ARHGAP6: variants seen among roughly 807,000 people sequenced by gnomAD.
ARHGAP6 encodes the protein Rho GTPase activating protein 6.
ARHGAP6 carries 16 observed loss-of-function variants against 55.7 expected under a neutral mutation model. The ratio of observed to expected loss-of-function variants is 0.29; its 90% CI spans 0.19 to 0.44. ARHGAP6 has a LOEUF of 0.44. Among genes scored for constraint, ARHGAP6 ranks in the 20% least tolerant of loss-of-function variants. The pLI is 1.00. For missense variants in ARHGAP6, 698 were observed against 808.9 expected (o/e 0.86, Z 1.66); for synonymous variants, 382 against 360.9 (o/e 1.06, Z -0.66).
intron 1 of ARHGAP6, among the ~76,000 whole-genome samples, chrX:11,472,828 T>G (rs1371029238): frequency 9.0e-6 from 1 of 110,877 alleles, no homozygotes; most frequent in Non-Finnish European, 1.9e-5. Flanking sequence ...GGACAACAAG[T>G]TCCCCTTCTC....
chrX:11,509,003 G>C (rs754758134), intron 1 of ARHGAP6, among the ~76,000 whole-genome samples: 46 of 111,030 alleles, frequency 4.1e-4, no homozygotes, highest in African/African-American at 1.2e-3. Flanking sequence ...CTTGATATTG[G>C]AATCATTAAG....
intron 1 of ARHGAP6, among the ~76,000 whole-genome samples, chrX:11,278,513 C>A (rs897020948): frequency 7.2e-5 from 8 of 111,772 alleles, no homozygotes. Context: ...TCCAGTGCAA[C>A]CTGTGTCAGA....
At chrX:11,627,319 T>C (rs1021548399) in intron 1 of ARHGAP6, among the ~76,000 whole-genome samples, 1 of 111,264 alleles carries the variant, frequency 9.0e-6, no homozygotes, top group Admixed American at 9.5e-5. Context: ...ATAGAACTTA[T>C]GTAAATGAAG....
At chrX:11,654,241 C>T (rs750854106) in intron 1 of ARHGAP6, among the ~76,000 whole-genome samples, 1 of 111,547 alleles carries the variant, frequency 9.0e-6, no homozygotes, top group East Asian at 2.8e-4. Context: ...TTTTTCAAAC[C>T]CCTGAGAGAT....
At chrX:11,180,391 C>T (rs756458843) in intron 6 of ARHGAP6, among the ~76,000 whole-genome samples, 36 of 110,706 alleles carry the variant, frequency 3.3e-4, no homozygotes, top group African/African-American at 1.0e-3. Flanking sequence ...AAGATTACTA[C>T]GCATTTCCTG....
rs1414475120 is a variant in ARHGAP6 at position 11,664,815 on chromosome X, C to T, written c.14G>A (p.Ser5Asn). The T allele has an allele frequency of 9.2e-6, 11 of 1,192,823 alleles. No homozygotes were observed. Among genetic ancestry groups the T allele is most frequent in the Non-Finnish European group, 1.0e-5 (9 of 887,477 alleles). MSAQ[S>N]LLHSVFSCSS... ...ACAGGAGAAGACGCTGTGGAGCAGG[C>T]TCTGCGCGGACATCTCGGCGGGGCT... Residue 5 changes from serine to asparagine, a missense_variant, in exon 1 of 13, where the codon AGC (serine) becomes AAC (asparagine). Physicochemically the swap from Ser to Asn is conservative, Grantham distance 46. Coordinates refer to ENST00000337414, the MANE Select transcript of ARHGAP6 (RefSeq NM_013427.3).
intron 1 of ARHGAP6, among the ~76,000 whole-genome samples, chrX:11,420,551 G>A (rs1376846220): frequency 3.6e-5 from 4 of 111,156 alleles, no homozygotes; most frequent in South Asian, 3.9e-4. Context: ...AATTCAATGG[G>A]AGAACAGGTA....
chrX:11,481,932 A>G (rs1324331603), intron 1 of ARHGAP6, among the ~76,000 whole-genome samples: 1 of 112,422 alleles, frequency 8.9e-6, no homozygotes, highest in African/African-American at 3.2e-5. Context: ...TAAGAATAAG[A>G]GTCACACTAA....
At chrX:11,572,352 C>T (rs2051532621) in intron 1 of ARHGAP6, among the ~76,000 whole-genome samples, 1 of 109,271 alleles carries the variant, frequency 9.2e-6, no homozygotes, top group Non-Finnish European at 1.9e-5. Context: ...TCCCACCCCA[C>T]AACAGTCATC....
intron 2 of ARHGAP6, among the ~76,000 whole-genome samples, chrX:11,208,628 T>C (rs1024974939): frequency 7.1e-5 from 8 of 112,105 alleles, no homozygotes; most frequent in African/African-American, 2.6e-4. Context: ...AATAATGTCT[T>C]TGTTTACCTG....
At chrX:11,607,726 T>G (rs1316170797) in intron 1 of ARHGAP6, among the ~76,000 whole-genome samples, 1 of 112,498 alleles carries the variant, frequency 8.9e-6, no homozygotes, top group African/African-American at 3.2e-5. Flanking sequence ...ATGCCATGTA[T>G]AAAAGTATAG....
intron 2 of ARHGAP6, among the ~76,000 whole-genome samples, chrX:11,224,691 G>T (rs766506877): frequency 9.0e-6 from 1 of 110,531 alleles, no homozygotes; most frequent in South Asian, 3.9e-4. Context: ...ACTGGCTGTG[G>T]AATTTCAGCT....
At position 11,494,874 on chromosome X, in the gene ARHGAP6, A is replaced by C. The variant is rs1008783135; in HGVS notation, c.588+169367T>G. On this transcript the variant is annotated intron_variant, in intron 1 of 12. Coordinates refer to ENST00000337414, the MANE Select transcript of ARHGAP6 (RefSeq NM_013427.3). ...TTTTCATGATTACCTTTGCATATCT[A>C]AATAAATGACTCTAGATGGTTGGAA... is the stretch of plus-strand genomic sequence containing the variant. Among the ~76,000 whole-genome samples, 5 of 112,249 alleles carry C rather than the reference A, an allele frequency of 4.5e-5. No individual in the cohort carries two copies. In the Admixed American group the frequency reaches 4.7e-4, roughly 11 times the overall value.
chrX:11,485,036 A>G (rs1309977333), intron 1 of ARHGAP6, among the ~76,000 whole-genome samples: 1 of 108,759 alleles, frequency 9.2e-6, no homozygotes, highest in Non-Finnish European at 1.9e-5. Context: ...AACAACAACA[A>G]CAAAAAAAAA....
rs766008272 is a variant in ARHGAP6 at position 11,243,808 on chromosome X, T to C, written c.748+10740A>G. 3.6e-5 allele frequency among the ~76,000 whole-genome samples: 4 copies of C among 112,393 alleles called. No homozygotes were observed. The South Asian group carries it at 1.5e-3, about 41-fold the overall frequency. On this transcript the variant is annotated intron_variant, in intron 2 of 12. Transcript: ENST00000337414. ...TATGCCTTTTCTATGTTTAGATACA[T>C]AGATACCTACCATTGCATTCCAATT...
intron 1 of ARHGAP6, among the ~76,000 whole-genome samples, chrX:11,560,713 A>T (rs1363215991): frequency 1.8e-5 from 2 of 112,576 alleles, no homozygotes; most frequent in African/African-American, 6.4e-5. Flanking sequence ...TTTGAAAAGA[A>T]GTCAAAGCGT....
At chrX:11,516,428 T>G (rs933533058) in intron 1 of ARHGAP6, among the ~76,000 whole-genome samples, 2 of 112,011 alleles carry the variant, frequency 1.8e-5, no homozygotes, top group African/African-American at 6.5e-5. Context: ...TCCCCAGCCT[T>G]TGGTTTCATT....
intron 1 of ARHGAP6, among the ~76,000 whole-genome samples, chrX:11,648,354 T>A (rs995961850): frequency 8.9e-6 from 1 of 112,140 alleles, no homozygotes; most frequent in Non-Finnish European, 1.9e-5. Flanking sequence ...GTAATAAACC[T>A]GTTGCCAAAG....
chrX:11,306,097 T>C (rs940522807), intron 1 of ARHGAP6, among the ~76,000 whole-genome samples: 1 of 111,699 alleles, frequency 9.0e-6, no homozygotes, highest in South Asian at 3.8e-4. Flanking sequence ...TCTAGAAATC[T>C]TCTCTCACTG....
Sources: gnomAD v4.1 joint callset for allele counts (sites outside exome capture counted in the v4.1 genomes callset) on GRCh38, gnomAD v4.1.1 for gene constraint, MANE v1.5 for transcripts, NCBI Gene and HGNC (gene_info 2026-07-23, HGNC 2026-07-21) for gene names.